The following SEMA3D variants were observed in gnomAD, a reference collection of about 807,000 sequenced individuals.
SEMA3D encodes semaphorin 3D, also known as semaphorin-3D.
In SEMA3D, 84 loss-of-function variants were observed where a neutral mutation model predicts 100.1. The ratio of observed to expected loss-of-function variants is 0.84; its 90% CI spans 0.70 to 1.01. The LOEUF (loss-of-function observed/expected upper bound fraction) is 1.01, where lower values mean the gene tolerates loss of function less well. SEMA3D is among the 50% of genes least tolerant of loss of function. The pLI is 0.00. For synonymous variants in SEMA3D, 312 were observed against 320.7 expected (o/e 0.97, Z 0.29); for missense variants, 875 against 934.1 (o/e 0.94, Z 0.82).
the SEMA3D span, among the ~76,000 whole-genome samples, chr7:85,248,285 C>T: frequency 6.6e-6 from 1 of 152,102 alleles, no homozygotes; most frequent in Non-Finnish European, 1.5e-5. Flanking sequence ...TACTACTACA[C>T]ACTACCAGAA....
intron 1 of SEMA3D, among the ~76,000 whole-genome samples, chr7:85,175,483 T>C (rs1473995611): frequency 3.9e-5 from 6 of 152,182 alleles, no homozygotes; most frequent in Non-Finnish European, 7.4e-5. Context: ...AACCTCATCA[T>C]AGTGAAGTCT....
rs150827630 is a variant in SEMA3D, at chr7:85,140,783, G to T, written c.-41+12825C>A. 3 of 964,842 alleles carry T rather than the reference G, an allele frequency of 3.1e-6. No individual in the cohort carries two copies. In the Admixed American group the frequency reaches 1.9e-4, roughly 60 times the overall value. 59.8% of individuals were successfully genotyped at this position (964,842 alleles called of 1,614,324 possible). A position where few individuals can be genotyped will look rare whatever the true frequency, so the allele number is the denominator to read the frequency against. ...TGAATGAATTAATGTATATTTTGCT[G>T]CTGCTTAATTATTCCATTAATAATA... On this transcript the variant is annotated intron_variant, in intron 2 of 18. Transcript: ENST00000284136.
the SEMA3D span, among the ~76,000 whole-genome samples, chr7:85,250,182 C>G: frequency 8.0e-5 from 12 of 150,854 alleles, 1 homozygote; most frequent in South Asian, 6.3e-4. Context: ...TGGCGCACCA[C>G]GAGATTATAA....
At chr7:85,204,987 C>A in the SEMA3D span, among the ~76,000 whole-genome samples, 1 of 152,080 alleles carries the variant, frequency 6.6e-6, no homozygotes, top group South Asian at 2.1e-4. Flanking sequence ...TTCTAATATA[C>A]GTGAGATGCT....
At chr7:85,195,530 G>C in the SEMA3D span, among the ~76,000 whole-genome samples, 1 of 151,944 alleles carries the variant, frequency 6.6e-6, no homozygotes, top group African/African-American at 2.4e-5. Context: ...ACAGATCACT[G>C]TAGCCTCGAC....
At chr7:85,212,474 GTTC>G in the SEMA3D span, among the ~76,000 whole-genome samples, 1 of 152,000 alleles carries the variant, frequency 6.6e-6, no homozygotes, top group Admixed American at 6.6e-5. Context: ...GGGCTGATCA[GTTC>G]TTCTTCAGAG....
chr7:85,028,091 A>G (rs1292322112), intron 12 of SEMA3D: 3 of 623,734 alleles, frequency 4.8e-6, no homozygotes, highest in Non-Finnish European at 9.0e-6. Context: ...TTGATATGAC[A>G]TATTGGCCTT....
the SEMA3D span, among the ~76,000 whole-genome samples, chr7:85,214,598 G>T: frequency 2.9e-3 from 438 of 152,118 alleles, 1 homozygote; most frequent in African/African-American, 1.0e-2. Flanking sequence ...CCGGGTTCAA[G>T]CAATTTTACT....
chr7:85,051,169 T>C (rs1222918430), intron 9 of SEMA3D, among the ~76,000 whole-genome samples: 1 of 151,812 alleles, frequency 6.6e-6, no homozygotes, highest in African/African-American at 2.4e-5. Flanking sequence ...CTTGGTAAAA[T>C]AGTTATGGAA....
chr7:85,184,367 C>T (rs993528888), intron 1 of SEMA3D, among the ~76,000 whole-genome samples: 3 of 152,138 alleles, frequency 2.0e-5, no homozygotes, highest in African/African-American at 4.8e-5. Flanking sequence ...ATTATCATCT[C>T]TAAAATAATA....
At chr7:85,165,786 A>T (rs542470035) in intron 1 of SEMA3D, among the ~76,000 whole-genome samples, 2 of 152,218 alleles carry the variant, frequency 1.3e-5, no homozygotes, top group East Asian at 3.9e-4. Flanking sequence ...AGGAGCAAGT[A>T]TGTGGCATAA....
intron 1 of SEMA3D, among the ~76,000 whole-genome samples, chr7:85,174,666 GA>G (rs1791178989): frequency 6.6e-6 from 1 of 152,160 alleles, no homozygotes; most frequent in Non-Finnish European, 1.5e-5. Flanking sequence ...ACTGGGGACT[GA>G]AAGAGATCTT....
At chr7:85,190,887 A>T (rs1405837211), upstream of SEMA3D, among the ~76,000 whole-genome samples, 1 of 152,080 alleles carries the variant, frequency 6.6e-6, no homozygotes, top group Non-Finnish European at 1.5e-5. Flanking sequence ...TCTATCCCTC[A>T]TGTTAGACAC....
intron 1 of SEMA3D, among the ~76,000 whole-genome samples, chr7:85,181,161 C>T (rs1371875485): frequency 6.6e-6 from 1 of 152,154 alleles, no homozygotes; most frequent in African/African-American, 2.4e-5. Flanking sequence ...GATCCTCAGG[C>T]TTATCCACTG....
At chr7:85,091,330 T>G (rs759379153) in intron 4 of SEMA3D, among the ~76,000 whole-genome samples, 10 of 152,084 alleles carry the variant, frequency 6.6e-5, no homozygotes, top group Non-Finnish European at 1.0e-4. Flanking sequence ...ACCCTTTGCT[T>G]GCATCCTGGT....
At chr7:85,170,679 A>G (rs530844974) in intron 1 of SEMA3D, among the ~76,000 whole-genome samples, 2 of 152,088 alleles carry the variant, frequency 1.3e-5, no homozygotes, top group African/African-American at 4.8e-5. Flanking sequence ...CCCATATCAC[A>G]TATGTGAAAG....
At chr7:85,025,515 G>A (rs574904279) in intron 12 of SEMA3D, among the ~76,000 whole-genome samples, 11 of 152,068 alleles carry the variant, frequency 7.2e-5, no homozygotes, top group African/African-American at 2.6e-4. Context: ...GAGAAAAATG[G>A]TTTTTATCCA....
intron 12 of SEMA3D, among the ~76,000 whole-genome samples, chr7:85,030,008 A>T (rs1052745694): frequency 2.6e-5 from 4 of 152,030 alleles, no homozygotes; most frequent in Admixed American, 1.3e-4. Context: ...TGAGCTGAAA[A>T]TGAGCATTTA....
At chr7:85,089,176 A>C (rs1379823861) in intron 4 of SEMA3D, among the ~76,000 whole-genome samples, 1 of 152,124 alleles carries the variant, frequency 6.6e-6, no homozygotes, top group Non-Finnish European at 1.5e-5. Context: ...CACCAAGTTA[A>C]TACTCATTTG....
Sources: allele counts gnomAD v4.1 joint callset (sites outside exome capture counted in the v4.1 genomes callset), GRCh38; gene constraint gnomAD v4.1.1; transcripts MANE v1.5; gene names NCBI Gene and HGNC (gene_info 2026-07-23, HGNC 2026-07-21).